Variants in C13orf42 observed in about 807,000 individuals in gnomAD.
The protein encoded by C13orf42 is uncharacterized protein C13orf42.
intron 1 of C13orf42, among the ~76,000 whole-genome samples, chr13:51,142,196 A>G (rs534270757): frequency 6.6e-6 from 1 of 152,370 alleles, no homozygotes; most frequent in South Asian, 2.1e-4. Flanking sequence ...TCCATAGACA[A>G]TAAGTAGGTT....
At chr13:51,148,691 T>G (rs1448261063) in intron 1 of C13orf42, among the ~76,000 whole-genome samples, 1 of 152,188 alleles carries the variant, frequency 6.6e-6, no homozygotes, top group Non-Finnish European at 1.5e-5. Flanking sequence ...CCACTCCCAC[T>G]GGGCAGCGAC....
At chr13:51,086,809 G>A (rs1469107534) in intron 2 of C13orf42, among the ~76,000 whole-genome samples, 2 of 152,060 alleles carry the variant, frequency 1.3e-5, no homozygotes, top group African/African-American at 4.8e-5. Flanking sequence ...TCACTCCCAG[G>A]GGCAGGGCTG....
chr13:51,142,715 C>T (rs910171958), intron 1 of C13orf42, among the ~76,000 whole-genome samples: 1 of 149,322 alleles, frequency 6.7e-6, no homozygotes, highest in African/African-American at 2.5e-5. Flanking sequence ...TAAAAGGAAC[C>T]AGGAACTAAA....
Position 51,153,621 on chromosome 13 carries a change from G to GT in C13orf42, n.136+18631dup, listed in dbSNP as rs1202370498. On this transcript the variant is annotated intron_variant and non_coding_transcript_variant, in intron 1 of 4. Coordinates refer to the C13orf42 transcript ENST00000433280. The stretch of plus-strand genomic sequence containing the variant: ...TTATCAACCCATTTTCTTGCTTTCT[G>GT]TTTTTTTTCTTTTTTTTTTTTTTTT... Among the ~76,000 whole-genome samples the GT allele has an allele frequency of 1.7e-3, 142 of 81,986 alleles. 1 individual carries two copies. The highest frequency in any genetic ancestry group is 3.3e-3 in the African/African-American group (74 of 22,702). The allele number at this position is 81,986 out of a possible 152,430, so 53.8% of individuals were successfully genotyped here.
chr13:51,137,286 C>T (rs570348294), intron 1 of C13orf42, among the ~76,000 whole-genome samples: 53 of 152,288 alleles, frequency 3.5e-4, no homozygotes, highest in South Asian at 4.1e-4. Flanking sequence ...AGATCATCAG[C>T]GAGGGAGTTG....
intron 1 of C13orf42, among the ~76,000 whole-genome samples, chr13:51,156,041 G>A (rs1953821973): frequency 2.0e-5 from 3 of 152,110 alleles, no homozygotes; most frequent in African/African-American, 7.2e-5. Flanking sequence ...TTTCTCTTAG[G>A]CCACCTTGAG....
At position 51,087,411 on chromosome 13, in the gene C13orf42, T is replaced by C. The variant is rs370070614; in HGVS notation, c.562+517A>G. 7.2e-5 allele frequency among the ~76,000 whole-genome samples: 11 copies of C among 152,222 alleles called. No homozygotes were observed. The East Asian group carries it at 1.2e-3, about 16-fold the overall frequency. ...CATTTCATTTCTTTTTTTTAAGTTG[T>C]GGTGAAGTGTACAGAACATAAAATT... On this transcript the variant is annotated intron_variant, in intron 2 of 3. Coordinates refer to ENST00000563710, the MANE Select transcript of C13orf42 (RefSeq NM_001351589.3).
chr13:51,098,594 C>T (rs1236076371), intron 1 of C13orf42, among the ~76,000 whole-genome samples: 1 of 152,132 alleles, frequency 6.6e-6, no homozygotes, highest in Admixed American at 6.5e-5. Flanking sequence ...AAATAACACT[C>T]ACAAATATGA....
chr13:51,141,053 T>C (rs1162825374), intron 1 of C13orf42, among the ~76,000 whole-genome samples: 1 of 150,394 alleles, frequency 6.6e-6, no homozygotes, highest in Non-Finnish European at 1.5e-5. Context: ...AGGAGCTCAA[T>C]AGCTAAAAGT....
chr13:51,166,563 T>C (rs1006844618), intron 1 of C13orf42, among the ~76,000 whole-genome samples: 6 of 147,276 alleles, frequency 4.1e-5, no homozygotes, highest in Non-Finnish European at 9.0e-5. Flanking sequence ...CTGCACAATG[T>C]GCACATGTAC....
Position 51,111,078 on chromosome 13 carries a change from G to A in C13orf42, c.132C>T (p.Asp44=). 1 of 398,648 alleles carries A rather than the reference G, an allele frequency of 2.5e-6. No individual in the cohort carries two copies. Among genetic ancestry groups the A allele is most frequent in the Non-Finnish European group, 4.4e-6 (1 of 226,106 alleles). The allele number at this position is 398,648 out of a possible 1,614,324, so 24.7% of individuals were successfully genotyped here. ...IRSSSMYVVG[D]HGEKFSESLK... is the part of the protein sequence containing the mutation. ...AGGACTCGCTGAATTTCTCCCCGTG[G>A]TCCCCGACCACATACATGGAACTGC... Residue 44 remains aspartate, a synonymous_variant, in exon 1 of 4, where the codon GAC becomes GAT. Transcript: ENST00000563710.
At chr13:51,122,105 A>G (rs1390368064) in intron 1 of C13orf42, among the ~76,000 whole-genome samples, 1 of 152,186 alleles carries the variant, frequency 6.6e-6, no homozygotes, top group Non-Finnish European at 1.5e-5. Flanking sequence ...AAATATTTTT[A>G]GTATATTAAG....
At chr13:51,096,801 C>T (rs755252735) in intron 1 of C13orf42, among the ~76,000 whole-genome samples, 21 of 152,124 alleles carry the variant, frequency 1.4e-4, no homozygotes, top group Non-Finnish European at 2.5e-4. Context: ...TTAAGGATTG[C>T]TTTTTTCTTT....
intron 1 of C13orf42, among the ~76,000 whole-genome samples, chr13:51,151,490 T>C (rs113347051): frequency 0.029 from 4,431 of 152,294 alleles, 96 homozygotes; most frequent in Non-Finnish European, 0.046. Flanking sequence ...GTGAGACCTG[T>C]GTTGGACATC....
chr13:51,137,396 C>A (rs1953665591), intron 1 of C13orf42, among the ~76,000 whole-genome samples: 1 of 152,214 alleles, frequency 6.6e-6, no homozygotes, highest in South Asian at 2.1e-4. Flanking sequence ...GTTCCCAGGT[C>A]CTGTCACTCT....
intron 1 of C13orf42, among the ~76,000 whole-genome samples, chr13:51,162,957 C>T (rs1263506943): frequency 6.6e-6 from 1 of 152,194 alleles, no homozygotes; most frequent in Admixed American, 6.5e-5. Context: ...TGGCTCTCCT[C>T]ACGAACAGCT....
At chr13:51,144,764 C>T (rs1483255800) in intron 1 of C13orf42, among the ~76,000 whole-genome samples, 1 of 152,188 alleles carries the variant, frequency 6.6e-6, no homozygotes, top group Non-Finnish European at 1.5e-5. Context: ...GGAAATTTCA[C>T]CCAACTCATG....
chr13:51,130,748 CAAAAGT>C (rs944197518), intron 1 of C13orf42, among the ~76,000 whole-genome samples: 123 of 151,704 alleles, frequency 8.1e-4, no homozygotes, highest in Admixed American at 2.3e-3. Flanking sequence ...AGGTTTTCAC[CAAAAGT>C]AAAAGTCACT....
chr13:51,100,494 T>C (rs938273718), intron 1 of C13orf42, among the ~76,000 whole-genome samples: 3 of 152,096 alleles, frequency 2.0e-5, no homozygotes, highest in Non-Finnish European at 4.4e-5. Context: ...AGAAAATGTA[T>C]GAAGACATGA....
Sources: gnomAD v4.1 joint callset for allele counts (sites outside exome capture counted in the v4.1 genomes callset) on GRCh38, gnomAD v4.1.1 for gene constraint, MANE v1.5 for transcripts, NCBI Gene and HGNC (gene_info 2026-07-23, HGNC 2026-07-21) for gene names.